Variants in ANKRD30B observed in about 807,000 individuals in gnomAD.
ANKRD30B encodes the protein ankyrin repeat domain 30B, also known as ankyrin repeat domain-containing protein 30B.
In ANKRD30B, 144 loss-of-function variants were observed where a neutral mutation model predicts 202.2. The observed-to-expected ratio is 0.71, with a 90% CI of 0.62 to 0.82. The LOEUF (loss-of-function observed/expected upper bound fraction) is 0.82, where lower values mean the gene tolerates loss of function less well. Among genes scored for constraint, ANKRD30B ranks in the 40% least tolerant of loss-of-function variants. ANKRD30B has a pLI of 0.00. For synonymous variants in ANKRD30B, 508 were observed against 561.3 expected (o/e 0.91, Z 1.34); for missense variants, 1,487 against 1,669.1 (o/e 0.89, Z 1.90).
rs2487206 is a variant in ANKRD30B, at chr18:14,831,463, A to T, written c.2847+8A>T. On this transcript the variant is annotated splice_region_variant and intron_variant, in intron 34 of 43. Coordinates refer to ENST00000690538, the MANE Select transcript of ANKRD30B (RefSeq NM_001367607.2). ...TTTAATCTTACTACCAAGGTAAAATAGTCTCTTGTTAAATTGATTTTCTCA... is the reference window on the plus strand; with the variant it reads ...TTTAATCTTACTACCAAGGTAAAATTGTCTCTTGTTAAATTGATTTTCTCA... 2.7e-6 allele frequency: 4 copies of T among 1,466,722 alleles called. No individual in the cohort carries two copies. Among genetic ancestry groups the T allele is most frequent in the Non-Finnish European group, 3.7e-6 (4 of 1,084,006 alleles). The allele number at this position is 1,466,722 out of a possible 1,614,324, so 90.9% of individuals were successfully genotyped here. A position where few individuals can be genotyped will look rare whatever the true frequency, so the allele number is the denominator to read the frequency against.
At chr18:14,901,676 G>A in the ANKRD30B span, among the ~76,000 whole-genome samples, 1 of 151,760 alleles carries the variant, frequency 6.6e-6, no homozygotes, top group South Asian at 2.1e-4. Flanking sequence ...TACAGAATTT[G>A]AAAACTATTC....
chr18:14,939,368 G>C, the ANKRD30B span, among the ~76,000 whole-genome samples: 2 of 152,188 alleles, frequency 1.3e-5, no homozygotes, highest in Non-Finnish European at 2.9e-5. Flanking sequence ...CAGTGGCTCA[G>C]GGGCCCAGGG....
intron 41 of ANKRD30B, among the ~76,000 whole-genome samples, chr18:14,850,791 A>C (rs1021965154): frequency 2.0e-5 from 3 of 151,748 alleles, no homozygotes; most frequent in Admixed American, 6.6e-5. Context: ...CTTCTTTACC[A>C]CTTTTGTTTT....
chr18:14,862,848 C>A, the ANKRD30B span, among the ~76,000 whole-genome samples: 8 of 152,206 alleles, frequency 5.3e-5, no homozygotes, highest in African/African-American at 1.7e-4. Flanking sequence ...GCCCTGGATG[C>A]GGGACATGAA....
chr18:14,782,968 A>AAT (rs1484490525), intron 12 of ANKRD30B, among the ~76,000 whole-genome samples: 1 of 151,986 alleles, frequency 6.6e-6, no homozygotes, highest in Non-Finnish European at 1.5e-5. Flanking sequence ...GAGGTGGCAA[A>AAT]ATAAAATATT....
intron 34 of ANKRD30B, among the ~76,000 whole-genome samples, chr18:14,832,484 G>A (rs569079383): frequency 1.1e-3 from 174 of 152,242 alleles, no homozygotes; most frequent in African/African-American, 3.9e-3. Context: ...AATTTCAGAA[G>A]ATTTTGTATT....
chr18:14,926,084 C>T, the ANKRD30B span, among the ~76,000 whole-genome samples: 147 of 152,256 alleles, frequency 9.7e-4, no homozygotes, highest in Middle Eastern at 3.4e-3. Context: ...TCATGCCTAC[C>T]AGCGGCAGAG....
chr18:14,840,055 G>A (rs567242843), intron 36 of ANKRD30B, among the ~76,000 whole-genome samples: 10 of 152,052 alleles, frequency 6.6e-5, no homozygotes, highest in Non-Finnish European at 1.5e-4. Context: ...CAGTAACCTA[G>A]TCAATAGCCA....
chr18:14,883,391 C>A, the ANKRD30B span: 46 of 93,676 alleles, frequency 4.9e-4, no homozygotes, highest in Non-Finnish European at 7.6e-4. Context: ...CTCTCTCTCT[C>A]TCTCTCTCTA....
intron 32 of ANKRD30B, 103 bp downstream of exon 32, chr18:14,822,780 G>A (rs1452110619): frequency 1.5e-6 from 2 of 1,377,236 alleles, no homozygotes; most frequent in African/African-American, 3.0e-5. Context: ...TTCAAAATTG[G>A]ATGGGAAAAT....
At chr18:14,809,659 C>G (rs1401547848) in intron 26 of ANKRD30B, among the ~76,000 whole-genome samples, 2 of 150,994 alleles carry the variant, frequency 1.3e-5, no homozygotes, top group East Asian at 3.9e-4. Flanking sequence ...CACGTCCATT[C>G]ACAGGCTCTC....
At chr18:14,784,244 A>T (rs1299094420) in intron 12 of ANKRD30B, 92 bp from the exon 13 acceptor site, 2 of 1,305,652 alleles carry the variant, frequency 1.5e-6, no homozygotes. Flanking sequence ...AAAGTCAACC[A>T]AGAGGACTCA....
chr18:14,877,364 T>C, the ANKRD30B span, among the ~76,000 whole-genome samples: 1 of 152,026 alleles, frequency 6.6e-6, no homozygotes, highest in African/African-American at 2.4e-5. Flanking sequence ...AATGGACACA[T>C]CAATTCTAGT....
chr18:14,865,612 C>T, the ANKRD30B span, among the ~76,000 whole-genome samples: 2 of 151,546 alleles, frequency 1.3e-5, no homozygotes. Context: ...TCCATCTACC[C>T]CCAGTTTTTT....
the ANKRD30B span, among the ~76,000 whole-genome samples, chr18:14,922,471 C>T: frequency 1.2e-4 from 18 of 151,692 alleles, no homozygotes; most frequent in Admixed American, 7.9e-4. Context: ...CTGGCTAACA[C>T]GGTGAAACCC....
chr18:14,753,499 C>A (rs758236948), intron 3 of ANKRD30B, among the ~76,000 whole-genome samples: 16 of 152,182 alleles, frequency 1.1e-4, no homozygotes, highest in Non-Finnish European at 2.2e-4. Flanking sequence ...AGTTACATCA[C>A]TTACTGAACT....
chr18:14,819,680 T>C (rs1313211256), intron 30 of ANKRD30B, among the ~76,000 whole-genome samples: 7 of 151,894 alleles, frequency 4.6e-5, no homozygotes, highest in African/African-American at 1.5e-4. Context: ...TGTAGATATG[T>C]GGCGTTATTT....
At chr18:14,860,641 C>G in the ANKRD30B span, among the ~76,000 whole-genome samples, 3 of 151,346 alleles carry the variant, frequency 2.0e-5, no homozygotes, top group Admixed American at 6.6e-5. Flanking sequence ...TCAGCAGAAA[C>G]CCTGCAACCT....
At chr18:14,827,482 A>C (rs1197180355) in intron 32 of ANKRD30B, among the ~76,000 whole-genome samples, 5 of 152,194 alleles carry the variant, frequency 3.3e-5, no homozygotes, top group Non-Finnish European at 7.3e-5. Flanking sequence ...ATTTCTAGAT[A>C]GACAGGGTTG....
Sources: allele counts gnomAD v4.1 joint callset (sites outside exome capture counted in the v4.1 genomes callset), GRCh38; gene constraint gnomAD v4.1.1; transcripts MANE v1.5; gene names NCBI Gene and HGNC (gene_info 2026-07-23, HGNC 2026-07-21).